FANCM: variants seen among roughly 807,000 people sequenced by gnomAD.
FANCM encodes the protein Fanconi anemia group M protein.
A neutral mutation model predicts 199.5 loss-of-function variants in FANCM; 140 were observed. The ratio of observed to expected loss-of-function variants is 0.70; its 90% CI spans 0.61 to 0.81. The LOEUF (loss-of-function observed/expected upper bound fraction) is 0.81, where lower values mean the gene tolerates loss of function less well. FANCM is among the 30% of genes least tolerant of loss of function. FANCM has a pLI of 0.00. For missense variants in FANCM, 2,410 were observed against 2,421.4 expected, an observed-to-expected ratio of 1.00 and a Z score of 0.10; for synonymous variants, 840 against 836.8, an observed-to-expected ratio of 1.00 and a Z score of -0.07.
In FANCM at chr14:45,136,215, T is replaced by C. The variant is rs746609446; in HGVS notation, c.184T>C (p.Tyr62His). The change falls in exon 1 of 23, where the codon TAC becomes CAC. Residue 62 changes from tyrosine (Y) to histidine (H), a missense_variant. Tyr to His is a moderately conservative substitution (Grantham distance 83). Transcript: ENST00000267430. ...SDDDVLLVAA[Y>H]EAERQLCLEN... ...CGATGATGTGTTGCTTGTCGCGGCG[T>C]ACGAGGCTGAGCGGCAGTTGTGTCT... The C allele has an allele frequency of 3.7e-6, 6 of 1,614,016 alleles. No individual in the cohort carries two copies. In the African/African-American group the frequency reaches 8.0e-5, roughly 22 times the overall value.
chr14:45,184,776 CTTT>C (rs764598561), intron 17 of FANCM, among the ~76,000 whole-genome samples: 4 of 132,324 alleles, frequency 3.0e-5, no homozygotes, highest in Non-Finnish European at 6.6e-5. Flanking sequence ...TTGGGATTTT[CTTT>C]TTTTTTTTTT....
chr14:45,198,860 G>A lies in FANCM; in HGVS notation c.5933G>A (p.Ser1978Asn). Residue 1978 changes from serine (S) to asparagine (N), a missense_variant, in exon 22 of 23, where the codon AGT becomes AAT. By Grantham distance (46) the Ser-to-Asn change is conservative. Coordinates refer to ENST00000267430, the MANE Select transcript of FANCM (RefSeq NM_020937.4). ...NKSEALQFYL[S>N]IPNISYITAL... ...AGTGAGGCACTCCAGTTTTATTTAA[G>A]TATTCCCAATATAAGTTATATAACT... 1.2e-6 allele frequency: 2 copies of A among 1,611,722 alleles called. No individual in the cohort carries two copies. Among genetic ancestry groups the A allele is most frequent in the Non-Finnish European group, 1.7e-6 (2 of 1,177,988 alleles).
intron 1 of FANCM, 131 bp downstream of exon 1, chr14:45,136,670 A>C: frequency 1.2e-6 from 1 of 848,412 alleles, no homozygotes; most frequent in Non-Finnish European, 1.9e-6. Flanking sequence ...GCAAGCCCAA[A>C]ACTGATGAAT....
At chr14:45,149,294 C>CA (rs1321783348) in intron 4 of FANCM, among the ~76,000 whole-genome samples, 1 of 152,032 alleles carries the variant, frequency 6.6e-6, no homozygotes, top group Non-Finnish European at 1.5e-5. Context: ...TGCACACACA[C>CA]ACACACACAC....
Position 45,167,130 on chromosome 14 carries a change from C to T in FANCM, c.1969C>T (p.Gln657Ter), listed in dbSNP as rs903442271. Residue 657 changes from glutamine to a stop codon, truncating the protein, a stop_gained, in exon 11 of 23, where the codon CAG (glutamine) becomes TAG (stop). Coordinates refer to ENST00000267430, the MANE Select transcript of FANCM (RefSeq NM_020937.4). LOFTEE classifies it high-confidence loss of function. ...YEPEKPSRNL[Q>*]RKSSIFSYRD... ...ACCAGAGAAGCCTTCTCGGAACTTG[C>T]AGCGAAAGTCATCTATCTTTTCCTA... is the stretch of plus-strand genomic sequence containing the variant. 6.2e-7 allele frequency: 1 copy of T among 1,612,252 alleles called. No individual in the cohort carries two copies. The highest frequency in any genetic ancestry group is 8.5e-7 in the Non-Finnish European group (1 of 1,178,452).
In FANCM at chr14:45,164,346, G is replaced by A; in HGVS notation, c.1582-13G>A. On this transcript the variant is annotated splice_polypyrimidine_tract_variant and intron_variant, in intron 9 of 22. Transcript: ENST00000267430. ...ATTTGCATGTAGTTATTTTTCAATTGTTTTTATTTTAGGTAGTGAAACAGT... is the reference window on the plus strand; with the variant it reads ...ATTTGCATGTAGTTATTTTTCAATTATTTTTATTTTAGGTAGTGAAACAGT... The A allele has an allele frequency of 5.0e-6, 8 of 1,599,802 alleles. No individual in the cohort carries two copies. The highest frequency in any genetic ancestry group is 6.8e-6 in the Non-Finnish European group (8 of 1,168,568).
chr14:45,158,350 C>T (rs1264681445), intron 8 of FANCM, among the ~76,000 whole-genome samples: 2 of 152,068 alleles, frequency 1.3e-5, no homozygotes, highest in African/African-American at 4.8e-5. Flanking sequence ...CTACCATGAT[C>T]ACCAATCACC....
At chr14:45,170,472 G>A in intron 11 of FANCM, 117 bp from the exon 12 acceptor site, 3 of 688,064 alleles carry the variant, frequency 4.4e-6, no homozygotes, top group Non-Finnish European at 7.7e-6. Context: ...GTTACAGTGA[G>A]TTATGAATGT....
In FANCM at chr14:45,176,942, A is replaced by G. The variant is rs2139254003; in HGVS notation, c.4188A>G (p.Pro1396=). The G allele has an allele frequency of 1.2e-6, 2 of 1,606,270 alleles. No individual in the cohort carries two copies. Among genetic ancestry groups the G allele is most frequent in the Non-Finnish European group, 8.5e-7 (1 of 1,173,392 alleles). ...TAGAAAAGTCTAAAAGCAGTGGTCC[A>G]ATGTATCTGCATAAATCCTGTCATT... ...FSLEKSKSSG[P]MYLHKSCHSV... Residue 1396 remains proline, a synonymous_variant, in exon 14 of 23, where the codon CCA becomes CCG. Transcript: ENST00000267430.
At position 45,183,664 on chromosome 14, in the gene FANCM, A is replaced by T. The variant is rs893911760; in HGVS notation, c.4387-110A>T. On this transcript the variant is annotated intron_variant, in intron 16 of 22. Transcript: ENST00000267430. ...TACTTTTACATTCTTAAGTATTTAT[A>T]ACATTAATATTATGTATTTATAACA... 1.4e-4 allele frequency: 97 copies of T among 683,332 alleles called. No homozygotes were observed. In the African/African-American group the frequency reaches 1.6e-3, roughly 11 times the overall value. 42.3% of individuals were successfully genotyped at this position (683,332 alleles called of 1,614,324 possible).
chr14:45,198,471 T>C (rs1160922125), intron 21 of FANCM, 173 bp from the exon 22 acceptor site: 1 of 490,290 alleles, frequency 2.0e-6, no homozygotes, highest in African/African-American at 1.9e-5. Context: ...GTTACCCCTA[T>C]TTTCTTTCTC....
chr14:45,197,612 G>C (rs1389212742), intron 21 of FANCM, among the ~76,000 whole-genome samples: 1 of 151,508 alleles, frequency 6.6e-6, no homozygotes, highest in Non-Finnish European at 1.5e-5. Context: ...TTACAGGCAT[G>C]TGCCACCATG....
intron 20 of FANCM, among the ~76,000 whole-genome samples, chr14:45,194,027 C>T (rs1889918309): frequency 6.6e-6 from 1 of 152,012 alleles, no homozygotes; most frequent in Non-Finnish European, 1.5e-5. Context: ...CCAGGCCAGG[C>T]ATGGTAGCTC....
intron 19 of FANCM, among the ~76,000 whole-genome samples, chr14:45,188,104 C>T (rs569031549): frequency 1.7e-3 from 253 of 152,226 alleles, no homozygotes; most frequent in African/African-American, 3.3e-3. Context: ...TTTGGGAGGC[C>T]GATGCTGGTA....
chr14:45,167,940 G>A (rs1289512330), intron 11 of FANCM, among the ~76,000 whole-genome samples: 1 of 152,070 alleles, frequency 6.6e-6, no homozygotes, highest in Non-Finnish European at 1.5e-5. Context: ...TCTTTAGAGG[G>A]TTCATTCCAT....
At position 45,159,079 on chromosome 14, in the gene FANCM, T is replaced by TA; in HGVS notation, c.1397-17_1397-16insA. The TA allele has an allele frequency of 6.8e-7, 1 of 1,479,312 alleles. No homozygotes were observed. Among genetic ancestry groups the TA allele is most frequent in the Non-Finnish European group, 9.2e-7 (1 of 1,087,728 alleles). 91.6% of individuals were successfully genotyped at this position (1,479,312 alleles called of 1,614,324 possible). On this transcript the variant is annotated splice_polypyrimidine_tract_variant and intron_variant, in intron 8 of 22. Coordinates refer to ENST00000267430, the MANE Select transcript of FANCM (RefSeq NM_020937.4). Reference sequence around the variant, plus strand: ...TTTGTAAAAAGTTGTAATTAAAGTTTTTATATATATATATAGCTGAAAACA... The same window carrying TA: ...TTTGTAAAAAGTTGTAATTAAAGTTTATTATATATATATATAGCTGAAAACA...
intron 7 of FANCM, 129 bp downstream of exon 7, chr14:45,154,951 G>A (rs1887077153): frequency 7.8e-6 from 5 of 639,754 alleles, no homozygotes; most frequent in Non-Finnish European, 1.3e-5. Flanking sequence ...TGTTAAATGT[G>A]TAAATATTTC....
In FANCM at chr14:45,136,515, C is replaced by G; in HGVS notation, c.484C>G (p.Gln162Glu). The G allele has an allele frequency of 6.2e-7, 1 of 1,613,990 alleles. No individual in the cohort carries two copies. The highest frequency in any genetic ancestry group is 8.5e-7 in the Non-Finnish European group (1 of 1,179,998). ...TTGCTACCAGGTGATGGGTATCCCG[C>G]AATCCCACATGGCCGAAATGACAGG... is the stretch of plus-strand genomic sequence containing the variant. ...EACYQVMGIP[Q>E]SHMAEMTGST... Residue 162 changes from glutamine (Q) to glutamate (E), a missense_variant, in exon 1 of 23, where the codon CAA (glutamine) becomes GAA (glutamate). Coordinates refer to ENST00000267430, the MANE Select transcript of FANCM (RefSeq NM_020937.4).
At chr14:45,155,320 A>T (rs1887102243) in intron 7 of FANCM, 53 bp from the exon 8 acceptor site, 9 of 787,046 alleles carry the variant, frequency 1.1e-5, no homozygotes, top group Non-Finnish European at 1.5e-5. Flanking sequence ...CATTAGTGTA[A>T]TTGAATATGG....
Sources: gnomAD v4.1 joint callset for allele counts (sites outside exome capture counted in the v4.1 genomes callset) on GRCh38, gnomAD v4.1.1 for gene constraint, MANE v1.5 for transcripts, NCBI Gene and HGNC (gene_info 2026-07-23, HGNC 2026-07-21) for gene names.